Variants in MEF2C observed in about 807,000 individuals in gnomAD.
The protein encoded by MEF2C is myocyte-specific enhancer factor 2C.
A neutral mutation model predicts 50.5 loss-of-function variants in MEF2C; 6 were observed. That is an observed-to-expected ratio of 0.12 (90% CI 0.07 to 0.23). The LOEUF (loss-of-function observed/expected upper bound fraction) is 0.23. MEF2C is among the 10% of genes least tolerant of loss of function. The probability of loss-of-function intolerance (pLI) is 1.00; values close to 1 mark genes in which losing one functional copy is unlikely to be tolerated. For missense variants in MEF2C, 276 were observed against 605.0 expected (o/e 0.46, Z 5.70); for synonymous variants, 183 against 228.0 (o/e 0.80, Z 1.78).
chr5:88,852,377 G>T (rs968536081), intron 1 of MEF2C, among the ~76,000 whole-genome samples: 8 of 152,100 alleles, frequency 5.3e-5, no homozygotes, highest in Admixed American at 1.3e-4. Context: ...AGTCAGAATT[G>T]CACTCTAAAC....
intron 5 of MEF2C, among the ~76,000 whole-genome samples, chr5:88,749,758 C>T (rs677679): frequency 0.49 from 73,977 of 152,042 alleles, 19,365 homozygotes; most frequent in East Asian, 0.59. Context: ...GGGCCTGGCG[C>T]GGTGGCTCAT....
rs1189340541 is a variant in MEF2C, at chr5:88,804,565, G to A, written c.258+33C>T. 6.2e-6 allele frequency: 10 copies of A among 1,608,146 alleles called. No individual in the cohort carries two copies. The Admixed American group carries it at 6.7e-5, about 11-fold the overall frequency. On this transcript the variant is annotated intron_variant, in intron 3 of 10. Coordinates refer to ENST00000504921, the MANE Select transcript of MEF2C (RefSeq NM_002397.5). Reference sequence around the variant, plus strand: ...GGAGGTCCAAACTCCCCTGCTTGCGGAGGCTTGGGGCTCACCACGCATGCT... The same window carrying A: ...GGAGGTCCAAACTCCCCTGCTTGCGAAGGCTTGGGGCTCACCACGCATGCT...
chr5:88,882,960 G>A lies in MEF2C; in HGVS notation c.-148C>T, dbSNP rs1833418285. 6.6e-6 allele frequency: 1 copy of A among 151,846 alleles called. No homozygotes were observed. Among genetic ancestry groups the A allele is most frequent in the Admixed American group, 6.6e-5 (1 of 15,244 alleles). 9.4% of individuals were successfully genotyped at this position (151,846 alleles called of 1,614,324 possible). On this transcript the variant is annotated 5_prime_UTR_variant, in exon 1 of 11. Coordinates refer to ENST00000504921, the MANE Select transcript of MEF2C (RefSeq NM_002397.5). ...GAAATATCAGGGGTACTTACATGAAGGAAGACCCGATCAGATTAGTCCTTG... is the reference window on the plus strand; with the variant it reads ...GAAATATCAGGGGTACTTACATGAAAGAAGACCCGATCAGATTAGTCCTTG...
intron 6 of MEF2C, chr5:88,743,620 C>A: frequency 1.0e-5 from 10 of 983,472 alleles, no homozygotes; most frequent in Non-Finnish European, 1.2e-5. Context: ...TATCTCCAAT[C>A]TGAGTAAGTA....
At position 88,737,260 on chromosome 5, in the gene MEF2C, C is replaced by T. The variant is rs539732833; in HGVS notation, c.638-5359G>A. 1.9e-5 allele frequency: 19 copies of T among 985,270 alleles called. No individual in the cohort carries two copies. The East Asian group carries it at 1.8e-3, about 94-fold the overall frequency. 61.0% of individuals were successfully genotyped at this position (985,270 alleles called of 1,614,324 possible). Reference sequence around the variant, plus strand: ...ATGATTGCAAATTGATGACCAAGTACACTATTGAGACAAACTGCTTATCTA... The same window carrying T: ...ATGATTGCAAATTGATGACCAAGTATACTATTGAGACAAACTGCTTATCTA... On this transcript the variant is annotated intron_variant, in intron 6 of 10. Transcript: ENST00000504921.
intron 1 of MEF2C, among the ~76,000 whole-genome samples, chr5:88,826,793 A>G (rs892047886): frequency 5.3e-5 from 8 of 151,954 alleles, no homozygotes; most frequent in Non-Finnish European, 1.2e-4. Flanking sequence ...AACTTTCATT[A>G]CGTACAATCA....
At chr5:88,742,494 T>C (rs1767305234) in intron 6 of MEF2C, 1 of 978,272 alleles carries the variant, frequency 1.0e-6, no homozygotes, top group Non-Finnish European at 1.2e-6. Flanking sequence ...TTCACAGTAC[T>C]TTACTGTAGA....
chr5:88,815,827 C>T (rs77831688), intron 2 of MEF2C, among the ~76,000 whole-genome samples: 1 of 151,824 alleles, frequency 6.6e-6, no homozygotes, highest in Non-Finnish European at 1.5e-5. Context: ...TTGGAAGAAA[C>T]TTCTCGGTGT....
intron 1 of MEF2C, among the ~76,000 whole-genome samples, chr5:88,890,283 C>G (rs574648448): frequency 6.6e-6 from 1 of 152,166 alleles, no homozygotes; most frequent in Non-Finnish European, 1.5e-5. Context: ...CCTTGTACCC[C>G]CTTTATTTGT....
At chr5:88,866,705 C>T (rs1016215870) in intron 1 of MEF2C, among the ~76,000 whole-genome samples, 23 of 152,276 alleles carry the variant, frequency 1.5e-4, no homozygotes, top group African/African-American at 4.8e-4. Flanking sequence ...TGTTCTAACT[C>T]ATCAGTAGTT....
chr5:88,731,077 T>C (rs1389783384), intron 7 of MEF2C, among the ~76,000 whole-genome samples: 1 of 152,190 alleles, frequency 6.6e-6, no homozygotes, highest in African/African-American at 2.4e-5. Context: ...TTCTTATTTA[T>C]TTATCTTCCT....
intron 3 of MEF2C, among the ~76,000 whole-genome samples, chr5:88,783,582 A>G (rs1371552228): frequency 6.6e-6 from 1 of 152,166 alleles, no homozygotes; most frequent in Non-Finnish European, 1.5e-5. Flanking sequence ...GTGAGCTGAG[A>G]TCACGCCATT....
chr5:88,739,612 T>C lies in MEF2C; in HGVS notation c.638-7711A>G, dbSNP rs1483255421. 5.1e-6 allele frequency: 5 copies of C among 985,068 alleles called. No individual in the cohort carries two copies. The East Asian group carries it at 5.7e-4, about 112-fold the overall frequency. 61.0% of individuals were successfully genotyped at this position (985,068 alleles called of 1,614,324 possible). ...TGGAAGTGACAGTTGAAAAAAAAAT[T>C]AGTGGAAAAATATGATCTTCTAGAC... On this transcript the variant is annotated intron_variant, in intron 6 of 10. Coordinates refer to ENST00000504921, the MANE Select transcript of MEF2C (RefSeq NM_002397.5).
chr5:88,778,266 A>G (rs1785915422), intron 3 of MEF2C, among the ~76,000 whole-genome samples: 1 of 152,110 alleles, frequency 6.6e-6, no homozygotes, highest in South Asian at 2.1e-4. Context: ...TCCCAATAAT[A>G]TACAGACTGT....
chr5:88,782,444 C>T (rs1484549288), intron 3 of MEF2C, among the ~76,000 whole-genome samples: 1 of 144,572 alleles, frequency 6.9e-6, no homozygotes, highest in Non-Finnish European at 1.5e-5. Context: ...GAAGCCTGGG[C>T]AATGGGCATG....
chr5:88,776,145 A>AATTTCATT (rs1337460361), intron 3 of MEF2C, among the ~76,000 whole-genome samples: 4 of 152,052 alleles, frequency 2.6e-5, no homozygotes, highest in Non-Finnish European at 5.9e-5. Flanking sequence ...TGTTAAGATA[A>AATTTCATT]ATTTCATTAA....
chr5:88,850,787 GAAC>G (rs1821042456), intron 1 of MEF2C, among the ~76,000 whole-genome samples: 1 of 151,010 alleles, frequency 6.6e-6, no homozygotes, highest in Non-Finnish European at 1.5e-5. Context: ...GTTGACCCTT[GAAC>G]AACACCCACA....
intron 3 of MEF2C, chr5:88,771,668 GCAAA>G: frequency 2.1e-6 from 2 of 939,940 alleles, no homozygotes; most frequent in Non-Finnish European, 2.5e-6. Context: ...AAATGAATAA[GCAAA>G]CAAACTTGAC....
intron 1 of MEF2C, among the ~76,000 whole-genome samples, chr5:88,834,117 C>G (rs566948079): frequency 1.4e-4 from 21 of 152,102 alleles, no homozygotes; most frequent in Admixed American, 1.4e-3. Context: ...ACACACTGTT[C>G]GAATACTTCA....
Sources: gnomAD v4.1 joint callset for allele counts (sites outside exome capture counted in the v4.1 genomes callset) on GRCh38, gnomAD v4.1.1 for gene constraint, MANE v1.5 for transcripts, NCBI Gene and HGNC (gene_info 2026-07-23, HGNC 2026-07-21) for gene names.